The following SCEL variants were observed in gnomAD, a reference collection of about 807,000 sequenced individuals.
SCEL encodes the protein sciellin.
Under a neutral mutation model 117.6 loss-of-function variants are expected in SCEL, and 113 were observed. The observed-to-expected ratio is 0.96, with a 90% CI of 0.83 to 1.12. SCEL has a LOEUF of 1.12. SCEL is among the 50% of genes most tolerant of loss of function. SCEL has a pLI of 0.00. For missense variants in SCEL, 785 were observed against 810.8 expected (o/e 0.97, Z 0.39); for synonymous variants, 270 against 256.2 (o/e 1.05, Z -0.51).
chr13:77,630,360 G>A (rs1401566491), intron 28 of SCEL, among the ~76,000 whole-genome samples: 2 of 152,126 alleles, frequency 1.3e-5, no homozygotes, highest in African/African-American at 2.4e-5. Context: ...CAGATTTTAA[G>A]AACTGTCATA....
chr13:77,562,195 T>C (rs751129515), intron 4 of SCEL, among the ~76,000 whole-genome samples: 75 of 152,078 alleles, frequency 4.9e-4, no homozygotes, highest in Non-Finnish European at 1.3e-4. Flanking sequence ...GGGGAGAGAA[T>C]GAAAATAACA....
chr13:77,589,380 A>G (rs906171390), intron 10 of SCEL, among the ~76,000 whole-genome samples, 156 bp downstream of exon 10: 1 of 152,204 alleles, frequency 6.6e-6, no homozygotes, highest in Non-Finnish European at 1.5e-5. Flanking sequence ...ATTTCCCAAC[A>G]CATATGTTTA....
chr13:77,558,536 G>A (rs938109030), intron 3 of SCEL, among the ~76,000 whole-genome samples: 2 of 152,026 alleles, frequency 1.3e-5, no homozygotes, highest in Admixed American at 6.6e-5. Flanking sequence ...ACCGGAGGCC[G>A]GGCGTGGTGG....
chr13:77,545,912 C>T (rs1430041352), intron 1 of SCEL, among the ~76,000 whole-genome samples: 3 of 152,236 alleles, frequency 2.0e-5, no homozygotes, highest in African/African-American at 7.2e-5. Context: ...CAGTATTGCT[C>T]ATTTATATTT....
intron 24 of SCEL, among the ~76,000 whole-genome samples, chr13:77,614,921 G>C (rs975489915): frequency 6.6e-6 from 1 of 152,052 alleles, no homozygotes; most frequent in Non-Finnish European, 1.5e-5. Context: ...AAGCCAAAAA[G>C]AGAATTCAGT....
intron 1 of SCEL, among the ~76,000 whole-genome samples, chr13:77,554,916 T>A (rs183877817): frequency 3.3e-5 from 5 of 152,252 alleles, no homozygotes; most frequent in Non-Finnish European, 7.4e-5. Flanking sequence ...TTTTCTGGTT[T>A]GAAAACTGAA....
chr13:77,559,768 C>A, intron 3 of SCEL, 36 bp from the exon 4 acceptor site: 7 of 1,595,750 alleles, frequency 4.4e-6, no homozygotes, highest in Non-Finnish European at 6.0e-6. Context: ...ATTGTGGTAA[C>A]TTTCTATGTG....
At chr13:77,559,305 A>T (rs2084840727) in intron 3 of SCEL, among the ~76,000 whole-genome samples, 1 of 152,268 alleles carries the variant, frequency 6.6e-6, no homozygotes, top group Admixed American at 6.5e-5. Flanking sequence ...CCTGTGAATT[A>T]TAAATCTCCT....
At chr13:77,634,309 G>A in intron 28 of SCEL, 70 bp from the exon 29 acceptor site, 1 of 1,248,662 alleles carries the variant, frequency 8.0e-7, no homozygotes, top group South Asian at 1.2e-5. Context: ...CATTGAATTA[G>A]AAAATAGCCT....
At position 77,538,855 on chromosome 13, in the gene SCEL, C is replaced by G. The variant is rs536251281; in HGVS notation, c.-20+3031C>G. 3.3e-5 allele frequency among the ~76,000 whole-genome samples: 5 copies of G among 152,282 alleles called. No homozygotes were observed. The South Asian group carries it at 1.0e-3, about 32-fold the overall frequency. On this transcript the variant is annotated intron_variant, in intron 1 of 32. Coordinates refer to ENST00000349847, the MANE Select transcript of SCEL (RefSeq NM_144777.3). ...AAGCCTCCTGGGGAAAGACAGTGAA[C>G]TATAAGCCATATTTTCCAAACTGAG... is the stretch of plus-strand genomic sequence containing the variant.
chr13:77,541,243 G>T (rs1280805686), intron 1 of SCEL, among the ~76,000 whole-genome samples: 1 of 151,888 alleles, frequency 6.6e-6, no homozygotes, highest in Non-Finnish European at 1.5e-5. Flanking sequence ...AAATAAGAAA[G>T]AAAATGCCCT....
intron 9 of SCEL, among the ~76,000 whole-genome samples, chr13:77,574,223 T>G (rs2085806910): frequency 6.6e-6 from 1 of 152,214 alleles, no homozygotes; most frequent in South Asian, 2.1e-4. Flanking sequence ...CAATGCCTGT[T>G]GAGGTTGTGG....
chr13:77,558,643 G>A (rs2084794468), intron 3 of SCEL, among the ~76,000 whole-genome samples: 1 of 151,694 alleles, frequency 6.6e-6, no homozygotes, highest in South Asian at 2.1e-4. Context: ...AAGAAACCCT[G>A]TCTCTACTTT....
At chr13:77,614,970 AG>A (rs967544158) in intron 24 of SCEL, among the ~76,000 whole-genome samples, 14 of 152,160 alleles carry the variant, frequency 9.2e-5, no homozygotes, top group African/African-American at 3.4e-4. Context: ...CAATTAACAT[AG>A]ATTAAAGCTA....
At chr13:77,584,189 G>C (rs534545920) in intron 9 of SCEL, among the ~76,000 whole-genome samples, 5 of 152,166 alleles carry the variant, frequency 3.3e-5, no homozygotes, top group African/African-American at 1.2e-4. Context: ...GAACGTTCTG[G>C]CCACAGCTTC....
intron 16 of SCEL, 180 bp from the exon 17 acceptor site, chr13:77,602,474 A>T: frequency 1.7e-6 from 1 of 587,510 alleles, no homozygotes; most frequent in Non-Finnish European, 3.0e-6. Flanking sequence ...AGACACATTT[A>T]AATGAAATGC....
chr13:77,593,251 CAG>C (rs1490799222), intron 11 of SCEL, among the ~76,000 whole-genome samples: 1 of 117,642 alleles, frequency 8.5e-6, no homozygotes, highest in Non-Finnish European at 1.8e-5. Context: ...GGTGGAATAA[CAG>C]AGGGGAGTGT....
At chr13:77,627,648 A>G (rs886178755) in intron 27 of SCEL, among the ~76,000 whole-genome samples, 2 of 152,148 alleles carry the variant, frequency 1.3e-5, no homozygotes, top group African/African-American at 4.8e-5. Flanking sequence ...ACATCAATAA[A>G]AAAAGAAAAA....
chr13:77,621,300 A>G (rs1323871071), intron 27 of SCEL, among the ~76,000 whole-genome samples: 1 of 152,144 alleles, frequency 6.6e-6, no homozygotes, highest in African/African-American at 2.4e-5. Context: ...TCTGGCATCT[A>G]TGGGCTTTCC....
Sources: allele counts gnomAD v4.1 joint callset (sites outside exome capture counted in the v4.1 genomes callset), GRCh38; gene constraint gnomAD v4.1.1; transcripts MANE v1.5; gene names NCBI Gene and HGNC (gene_info 2026-07-23, HGNC 2026-07-21).